Variants in SCN10A observed in about 807,000 individuals in gnomAD.
SCN10A encodes sodium channel protein type 10 subunit alpha.
A neutral mutation model predicts 170.7 loss-of-function variants in SCN10A; 162 were observed. The ratio of observed to expected loss-of-function variants is 0.95; its 90% CI spans 0.84 to 1.08. The LOEUF (loss-of-function observed/expected upper bound fraction) is 1.08, where lower values mean the gene tolerates loss of function less well. SCN10A is among the 50% of genes least tolerant of loss of function. The pLI, the probability that SCN10A is intolerant of heterozygous loss-of-function variation, is 0.00. For missense variants in SCN10A, 2,527 were observed against 2,436.9 expected (o/e 1.04, Z -0.78); for synonymous variants, 985 against 904.6 (o/e 1.09, Z -1.59).
At chr3:38,766,869 T>C (rs1211129282) in intron 5 of SCN10A, among the ~76,000 whole-genome samples, 1 of 152,174 alleles carries the variant, frequency 6.6e-6, no homozygotes, top group Admixed American at 6.5e-5. Flanking sequence ...TGGACTTTTT[T>C]TCCTTGGCAA....
At chr3:38,722,200 G>A in intron 20 of SCN10A, 58 bp downstream of exon 20, 1 of 1,534,830 alleles carries the variant, frequency 6.5e-7, no homozygotes, top group Non-Finnish European at 8.9e-7. Context: ...CAGGGCCTTT[G>A]GATTGTAGGA....
At chr3:38,770,804 G>A (rs1220751051) in intron 5 of SCN10A, among the ~76,000 whole-genome samples, 1 of 152,144 alleles carries the variant, frequency 6.6e-6, no homozygotes, top group Non-Finnish European at 1.5e-5. Flanking sequence ...TCCACTGGCT[G>A]CCTTCCCCAA....
At chr3:38,731,690 G>T (rs563398907) in intron 15 of SCN10A, among the ~76,000 whole-genome samples, 4 of 152,190 alleles carry the variant, frequency 2.6e-5, no homozygotes, top group African/African-American at 4.8e-5. Flanking sequence ...GCTTGCTGAC[G>T]TCATGGACTG....
chr3:38,751,321 G>A (rs2063744751), intron 12 of SCN10A, among the ~76,000 whole-genome samples: 1 of 152,124 alleles, frequency 6.6e-6, no homozygotes, highest in African/African-American at 2.4e-5. Flanking sequence ...GTTTCTAGGT[G>A]CCTCACTGTC....
Position 38,755,808 on chromosome 3 carries a change from G to T in SCN10A, c.1441C>A (p.Pro481Thr), listed in dbSNP as rs1317657047. 1 of 1,613,868 alleles carries T rather than the reference G, an allele frequency of 6.2e-7. No individual in the cohort carries two copies. The highest frequency in any genetic ancestry group is 1.1e-5 in the South Asian group (1 of 91,052). The change falls in exon 11 of 28, where the codon CCT becomes ACT. Residue 481 changes from proline to threonine, a missense_variant. Coordinates refer to ENST00000449082, the MANE Select transcript of SCN10A (RefSeq NM_006514.4). ...TEDNKSPRSDPYNQRRMSFLG... is the reference protein window; with the variant it reads ...TEDNKSPRSDTYNQRRMSFLG... Reference sequence around the variant, plus strand: ...CTTACCATCCTGCGCTGGTTGTAAGGATCAGAGCGGGGTGATTTGTTGTCT... The same window carrying T: ...CTTACCATCCTGCGCTGGTTGTAAGTATCAGAGCGGGGTGATTTGTTGTCT...
At chr3:38,745,562 C>T (rs1023597832) in intron 13 of SCN10A, among the ~76,000 whole-genome samples, 3 of 152,158 alleles carry the variant, frequency 2.0e-5, no homozygotes, top group Admixed American at 6.5e-5. Context: ...TCTCCTTTTC[C>T]TCACAGGCAA....
chr3:38,795,313 T>A (rs2064332480), intron 1 of SCN10A, among the ~76,000 whole-genome samples: 1 of 151,636 alleles, frequency 6.6e-6, no homozygotes, highest in African/African-American at 2.4e-5. Flanking sequence ...CCCTTCTCAG[T>A]TCTTGTCTTT....
chr3:38,731,348 A>G (rs2063511515), intron 15 of SCN10A, among the ~76,000 whole-genome samples: 2 of 152,230 alleles, frequency 1.3e-5, no homozygotes, highest in Admixed American at 1.3e-4. Flanking sequence ...GAGGTACTTC[A>G]GGTAGATAGA....
At chr3:38,788,684 C>T (rs1226534556) in intron 4 of SCN10A, among the ~76,000 whole-genome samples, 4 of 152,062 alleles carry the variant, frequency 2.6e-5, no homozygotes, top group African/African-American at 9.7e-5. Flanking sequence ...GGGGCTGGGA[C>T]TCAGGCATTT....
chr3:38,773,292 A>G (rs1269158119), intron 4 of SCN10A, among the ~76,000 whole-genome samples: 1 of 152,150 alleles, frequency 6.6e-6, no homozygotes, highest in African/African-American at 2.4e-5. Context: ...CAGCATAGAG[A>G]GACTTTGTCT....
intron 21 of SCN10A, among the ~76,000 whole-genome samples, chr3:38,714,705 T>C (rs1484698278): frequency 6.6e-6 from 1 of 152,206 alleles, no homozygotes; most frequent in African/African-American, 2.4e-5. Flanking sequence ...GTTTCTGGTA[T>C]GGGTCCATGA....
intron 3 of SCN10A, among the ~76,000 whole-genome samples, chr3:38,790,567 G>C (rs2064268549): frequency 6.6e-6 from 1 of 151,702 alleles, no homozygotes; most frequent in Non-Finnish European, 1.5e-5. Flanking sequence ...CTCTTTATTT[G>C]TAATTTCCAT....
Position 38,701,961 on chromosome 3 carries a change from T to A in SCN10A, c.4535A>T (p.Asn1512Ile). The A allele has an allele frequency of 1.2e-6, 2 of 1,614,190 alleles. No homozygotes were observed. Among genetic ancestry groups the A allele is most frequent in the Non-Finnish European group, 1.7e-6 (2 of 1,180,020 alleles). ...EEKTKILGKI[N>I]QFFVAVFTGE... is the part of the protein sequence containing the mutation. ...TGTGAAGACGGCCACAAAGAACTGGTTGATTTTGCCCAGAATTTTCGTCTT... is the reference window on the plus strand; with the variant it reads ...TGTGAAGACGGCCACAAAGAACTGGATGATTTTGCCCAGAATTTTCGTCTT... The change falls in exon 27 of 28, where the codon AAC (asparagine) becomes ATC (isoleucine). Residue 1512 changes from asparagine (N) to isoleucine (I), a missense_variant. Asn to Ile is a moderately radical substitution (Grantham distance 149). Transcript: ENST00000449082.
chr3:38,746,049 A>G (rs1454060690), intron 13 of SCN10A, among the ~76,000 whole-genome samples: 16 of 88,204 alleles, frequency 1.8e-4, no homozygotes, highest in Non-Finnish European at 3.1e-4. Flanking sequence ...ACATATATAT[A>G]TGTGTGTGTA....
intron 1 of SCN10A, among the ~76,000 whole-genome samples, chr3:38,798,695 A>T (rs534007500): frequency 6.6e-6 from 1 of 151,890 alleles, no homozygotes; most frequent in South Asian, 2.1e-4. Flanking sequence ...CTTAAGTTTA[A>T]TAGCTGTTCC....
intron 15 of SCN10A, among the ~76,000 whole-genome samples, chr3:38,736,946 G>C (rs892681087): frequency 1.4e-5 from 2 of 141,292 alleles, no homozygotes; most frequent in African/African-American, 5.3e-5. Flanking sequence ...GCTTCCCCAA[G>C]TGTAGCAGAA....
At position 38,752,348 on chromosome 3, in the gene SCN10A, A is replaced by G; in HGVS notation, c.1626T>C (p.Gly542=). Residue 542 remains glycine, a synonymous_variant, in exon 12 of 28, where the codon GGT becomes GGC. Transcript: ENST00000449082. The part of the protein sequence containing the change: ...SHRGSLLLGG[G]AGQQGPLPRS... ...TAGGGAGGGGGCCTTGCTGGCCAGC[A>G]CCCCCACCCAGCAGCAGAGAGCCCC... is the stretch of plus-strand genomic sequence containing the variant. 6.2e-7 allele frequency: 1 copy of G among 1,613,172 alleles called. No homozygotes were observed. The highest frequency in any genetic ancestry group is 8.5e-7 in the Non-Finnish European group (1 of 1,179,632).
chr3:38,768,644 T>C (rs112451159), intron 5 of SCN10A, among the ~76,000 whole-genome samples: 7 of 152,302 alleles, frequency 4.6e-5, no homozygotes, highest in Non-Finnish European at 7.4e-5. Flanking sequence ...ACCTTTCCTT[T>C]ATAGGTTATC....
chr3:38,737,773 TCTCTCTCC>T (rs1559433759), intron 15 of SCN10A, among the ~76,000 whole-genome samples: 1 of 66,628 alleles, frequency 1.5e-5, no homozygotes, highest in Non-Finnish European at 2.7e-5. Flanking sequence ...TCCCTCCCTC[TCTCTCTCC>T]CTCCCTCCCT....
Sources: gnomAD v4.1 joint callset for allele counts (sites outside exome capture counted in the v4.1 genomes callset) on GRCh38, gnomAD v4.1.1 for gene constraint, MANE v1.5 for transcripts, NCBI Gene and HGNC (gene_info 2026-07-23, HGNC 2026-07-21) for gene names.